MITF: variants seen among roughly 807,000 people sequenced by gnomAD.
MITF encodes the protein melanocyte inducing transcription factor.
MITF carries 17 observed loss-of-function variants against 60.5 expected under a neutral mutation model. The ratio of observed to expected loss-of-function variants is 0.28; its 90% CI spans 0.19 to 0.42. The LOEUF (loss-of-function observed/expected upper bound fraction) is 0.42. MITF is among the 10% of genes least tolerant of loss of function. MITF has a pLI of 1.00. For missense variants in MITF, 622 were observed against 683.5 expected (o/e 0.91, Z 1.00); for synonymous variants, 260 against 248.5 (o/e 1.05, Z -0.43).
At chr3:69,757,997 ATGTGTGTGTGTG>A (rs60250386) in intron 1 of MITF, among the ~76,000 whole-genome samples, 62 of 116,054 alleles carry the variant, frequency 5.3e-4, no homozygotes, top group African/African-American at 1.4e-3. Context: ...ACCCTAGGGC[ATGTGTGTGTGTG>A]TGTGTGTGTG....
intron 1 of MITF, among the ~76,000 whole-genome samples, chr3:69,764,356 G>A (rs2062257542): frequency 6.6e-6 from 1 of 152,150 alleles, no homozygotes; most frequent in Admixed American, 6.5e-5. Flanking sequence ...AAATGCTGAT[G>A]TCACTGAATT....
rs187658809 is a variant in MITF, at chr3:69,966,245, G to A, written c.*997G>A. 2 of 232,266 alleles carry A rather than the reference G, an allele frequency of 8.6e-6. No homozygotes were observed. The highest frequency in any genetic ancestry group is 1.2e-4 in the East Asian group (2 of 16,332). The allele number at this position is 232,266 out of a possible 1,614,324, so 14.4% of individuals were successfully genotyped here. ...TTGTAAGAATATGCATCTTAAAATGGCAAGTTTTCCATATTTTTACAACTC... is the reference window on the plus strand; with the variant it reads ...TTGTAAGAATATGCATCTTAAAATGACAAGTTTTCCATATTTTTACAACTC... On this transcript the variant is annotated 3_prime_UTR_variant, in exon 10 of 10. Coordinates refer to ENST00000352241, the MANE Select transcript of MITF (RefSeq NM_001354604.2).
chr3:69,929,237 T>TG (rs778704088), intron 2 of MITF, among the ~76,000 whole-genome samples: 22 of 152,110 alleles, frequency 1.4e-4, no homozygotes, highest in Non-Finnish European at 3.1e-4. Flanking sequence ...ACCAAATACT[T>TG]GCTGAGTGCC....
chr3:69,896,311 T>C (rs1264546243), intron 2 of MITF, among the ~76,000 whole-genome samples: 1 of 152,198 alleles, frequency 6.6e-6, no homozygotes, highest in Non-Finnish European at 1.5e-5. Context: ...TCTGGAGAAG[T>C]TGAGAATACA....
intron 3 of MITF, chr3:69,938,557 G>A (rs373420461): frequency 7.9e-6 from 11 of 1,397,596 alleles, no homozygotes; most frequent in East Asian, 2.6e-5. Context: ...AGACTTTAAC[G>A]GAAACGCAAA....
chr3:69,776,453 CG>C (rs1247453043), intron 1 of MITF, among the ~76,000 whole-genome samples: 1 of 152,120 alleles, frequency 6.6e-6, no homozygotes, highest in African/African-American at 2.4e-5. Context: ...TTGACATTTG[CG>C]TGTTTGAGTT....
At chr3:69,936,922 G>T in intron 2 of MITF, 9 of 494,376 alleles carry the variant, frequency 1.8e-5, no homozygotes, top group Non-Finnish European at 2.4e-5. Context: ...ATGTAGTTTT[G>T]AACAAAGTAA....
intron 1 of MITF, among the ~76,000 whole-genome samples, chr3:69,838,419 GA>G (rs2063573325): frequency 6.6e-6 from 1 of 152,114 alleles, no homozygotes; most frequent in Non-Finnish European, 1.5e-5. Flanking sequence ...ATTAGTGACG[GA>G]TTTGGCATGT....
At chr3:69,870,976 C>T (rs762953996) in intron 1 of MITF, among the ~76,000 whole-genome samples, 1 of 152,142 alleles carries the variant, frequency 6.6e-6, no homozygotes, top group Non-Finnish European at 1.5e-5. Context: ...TCCCAGGGTA[C>T]ATCAAACTGG....
chr3:69,930,428 T>C (rs1237943935), intron 2 of MITF, among the ~76,000 whole-genome samples: 1 of 152,212 alleles, frequency 6.6e-6, no homozygotes, highest in Admixed American at 6.5e-5. Flanking sequence ...TGCTGTTCTT[T>C]GAGCAACCAA....
At chr3:69,949,598 G>A (rs1318048015) in intron 6 of MITF, among the ~76,000 whole-genome samples, 2 of 152,020 alleles carry the variant, frequency 1.3e-5, no homozygotes, top group Non-Finnish European at 2.9e-5. Flanking sequence ...CCCACAATTG[G>A]GATAGCATAA....
At chr3:69,795,040 A>G (rs1312408368) in intron 1 of MITF, among the ~76,000 whole-genome samples, 1 of 152,146 alleles carries the variant, frequency 6.6e-6, no homozygotes, top group African/African-American at 2.4e-5. Context: ...CTAGGTGAGG[A>G]TATGAGGAAC....
chr3:69,862,056 A>G (rs2064025832), intron 1 of MITF, among the ~76,000 whole-genome samples: 1 of 151,012 alleles, frequency 6.6e-6, no homozygotes, highest in African/African-American at 2.4e-5. Flanking sequence ...ATATATAGCT[A>G]TATATATTAT....
At chr3:69,787,693 C>G (rs924851991) in intron 1 of MITF, among the ~76,000 whole-genome samples, 2 of 151,824 alleles carry the variant, frequency 1.3e-5, no homozygotes, top group Admixed American at 1.3e-4. Flanking sequence ...CTTTTTTTCT[C>G]TTCTTGATCT....
chr3:69,899,526 T>C lies in MITF; in HGVS notation c.354+20143T>C, dbSNP rs111716980. Reference sequence around the variant, plus strand: ...GCTCTTTGCAGAGACAGCGTAAACCTGTTAGACCTTTCTGAACCAACATGG... The same window carrying C: ...GCTCTTTGCAGAGACAGCGTAAACCCGTTAGACCTTTCTGAACCAACATGG... On this transcript the variant is annotated intron_variant, in intron 2 of 9. Transcript: ENST00000352241. Among the ~76,000 whole-genome samples the C allele has an allele frequency of 7.6e-3, 1,157 of 152,290 alleles. 9 individuals carry two copies. The highest frequency in any genetic ancestry group is 0.026 in the African/African-American group (1,085 of 41,554).
At chr3:69,888,220 A>C (rs544365002) in intron 2 of MITF, among the ~76,000 whole-genome samples, 1 of 152,170 alleles carries the variant, frequency 6.6e-6, no homozygotes, top group East Asian at 1.9e-4. Flanking sequence ...GGAAGTGACA[A>C]ACCAGAGACA....
chr3:69,834,430 C>T (rs1378863838), intron 1 of MITF, among the ~76,000 whole-genome samples: 1 of 152,148 alleles, frequency 6.6e-6, no homozygotes, highest in African/African-American at 2.4e-5. Context: ...TGATATTTGT[C>T]TTTCTGTGTA....
chr3:69,916,413 T>A (rs2065335941), intron 2 of MITF, among the ~76,000 whole-genome samples: 1 of 152,184 alleles, frequency 6.6e-6, no homozygotes, highest in Non-Finnish European at 1.5e-5. Flanking sequence ...TTATCAACCC[T>A]TGAGTCTTTA....
At chr3:69,782,453 A>G (rs1005182662) in intron 1 of MITF, among the ~76,000 whole-genome samples, 3 of 152,196 alleles carry the variant, frequency 2.0e-5, no homozygotes, top group Non-Finnish European at 4.4e-5. Flanking sequence ...CAACAAGTCT[A>G]TTAGTTGCTG....
Sources: gnomAD v4.1 joint callset for allele counts (sites outside exome capture counted in the v4.1 genomes callset) on GRCh38, gnomAD v4.1.1 for gene constraint, MANE v1.5 for transcripts, NCBI Gene and HGNC (gene_info 2026-07-23, HGNC 2026-07-21) for gene names.